POC1B: variants seen among roughly 807,000 people sequenced by gnomAD.
POC1B encodes the protein POC1 centriolar protein B, also known as POC1 centriolar protein homolog B.
In POC1B, 44 loss-of-function variants were observed where a neutral mutation model predicts 60.6. That is an observed-to-expected ratio of 0.73 (90% CI 0.57 to 0.93). POC1B has a LOEUF of 0.93. Among genes scored for constraint, POC1B ranks in the 40% least tolerant of loss-of-function variants. The pLI is 0.00. For missense variants in POC1B, 555 were observed against 572.3 expected (o/e 0.97, Z 0.31); for synonymous variants, 180 against 198.9 (o/e 0.90, Z 0.80).
chr12:89,462,257 T>G (rs1400244057), intron 9 of POC1B, among the ~76,000 whole-genome samples: 1 of 152,170 alleles, frequency 6.6e-6, no homozygotes, highest in Non-Finnish European at 1.5e-5. Flanking sequence ...TAGCTAACTC[T>G]CAGGAATACT....
intron 10 of POC1B, among the ~76,000 whole-genome samples, chr12:89,436,899 G>A (rs952007109): frequency 6.6e-6 from 1 of 152,160 alleles, no homozygotes; most frequent in Admixed American, 6.5e-5. Context: ...ATCAAGTCAA[G>A]ATTCTCAAAT....
At chr12:89,476,224 T>G (rs1157255645) in intron 4 of POC1B, among the ~76,000 whole-genome samples, 1 of 152,140 alleles carries the variant, frequency 6.6e-6, no homozygotes, top group Non-Finnish European at 1.5e-5. Flanking sequence ...AGGAAATTCT[T>G]GAACTTATTT....
In POC1B at chr12:89,483,062, C is replaced by T. The variant is rs1227580537; in HGVS notation, c.452+8874G>A. On this transcript the variant is annotated intron_variant, in intron 4 of 11. Transcript: ENST00000313546. The stretch of plus-strand genomic sequence containing the variant: ...CCATAGCTGGGATTACAGGCATGCT[C>T]CACCACGCCCAGCTAATTTTTTTTT... Among the ~76,000 whole-genome samples, 5 of 152,100 alleles carry T rather than the reference C, an allele frequency of 3.3e-5. No homozygotes were observed. In the East Asian group the frequency reaches 9.6e-4, roughly 29 times the overall value.
At chr12:89,439,825 G>A (rs1201250084) in intron 10 of POC1B, among the ~76,000 whole-genome samples, 1 of 152,030 alleles carries the variant, frequency 6.6e-6, no homozygotes, top group African/African-American at 2.4e-5. Context: ...GGCTGGTCTT[G>A]AACTCCTGAC....
Position 89,525,986 on chromosome 12 carries a change from C to T in POC1B, c.-91G>A. 1 of 1,543,950 alleles carries T rather than the reference C, an allele frequency of 6.5e-7. No individual in the cohort carries two copies. The highest frequency in any genetic ancestry group is 8.7e-7 in the Non-Finnish European group (1 of 1,145,476). ...GGGAAGGAGAGGGGACCGTGCGGCT[C>T]CCGGAACCGTCTGCCCAGAGCGGCA... On this transcript the variant is annotated 5_prime_UTR_variant, in exon 1 of 12. Coordinates refer to ENST00000313546, the MANE Select transcript of POC1B (RefSeq NM_172240.3).
chr12:89,507,723 C>T (rs1040983591), intron 2 of POC1B, among the ~76,000 whole-genome samples: 2 of 152,148 alleles, frequency 1.3e-5, no homozygotes, highest in African/African-American at 4.8e-5. Context: ...CAAAGAACAA[C>T]AAATGGAAAA....
chr12:89,469,152 C>CAGA (rs1215239919), intron 7 of POC1B, among the ~76,000 whole-genome samples: 1 of 151,964 alleles, frequency 6.6e-6, no homozygotes, highest in African/African-American at 2.4e-5. Context: ...TGCGCCTGTA[C>CAGA]AGAAGGCTGA....
At chr12:89,464,670 T>G (rs1882615648) in intron 9 of POC1B, among the ~76,000 whole-genome samples, 1 of 151,496 alleles carries the variant, frequency 6.6e-6, no homozygotes. Flanking sequence ...GTATTTTTAG[T>G]AGAGACGGGA....
At chr12:89,451,880 C>A (rs1394011300) in intron 10 of POC1B, among the ~76,000 whole-genome samples, 7 of 152,168 alleles carry the variant, frequency 4.6e-5, no homozygotes, top group Non-Finnish European at 1.0e-4. Context: ...GCTAAGTTCA[C>A]TATTTTCCGT....
chr12:89,480,711 T>C (rs1425410634), intron 4 of POC1B, among the ~76,000 whole-genome samples: 17 of 151,174 alleles, frequency 1.1e-4, no homozygotes, highest in South Asian at 2.1e-4. Context: ...CGCCATTCTC[T>C]TGCCTCAGCC....
chr12:89,468,518 T>C (rs1882769355), intron 7 of POC1B, among the ~76,000 whole-genome samples: 1 of 152,200 alleles, frequency 6.6e-6, no homozygotes, highest in Non-Finnish European at 1.5e-5. Context: ...CCCACAGATT[T>C]AGTTTATAAT....
At chr12:89,525,008 C>A (rs573120625) in intron 2 of POC1B, 112 bp downstream of exon 2, 1 of 1,490,482 alleles carries the variant, frequency 6.7e-7, no homozygotes, top group Non-Finnish European at 9.2e-7. Flanking sequence ...TGCTCTCAAC[C>A]CTCATACAGG....
At chr12:89,435,619 G>A (rs1469570648) in intron 10 of POC1B, among the ~76,000 whole-genome samples, 1 of 152,108 alleles carries the variant, frequency 6.6e-6, no homozygotes, top group African/African-American at 2.4e-5. Context: ...TCATGTAGGT[G>A]TTTTCCTCCT....
At chr12:89,451,072 C>G (rs563944952) in intron 10 of POC1B, among the ~76,000 whole-genome samples, 30 of 144,732 alleles carry the variant, frequency 2.1e-4, no homozygotes, top group African/African-American at 6.1e-4. Flanking sequence ...AGTTCCCTTG[C>G]TGAGAGCTGA....
At chr12:89,428,268 C>T (rs994447714) in intron 10 of POC1B, 1 of 152,310 alleles carries the variant, frequency 6.6e-6, no homozygotes, top group Non-Finnish European at 1.5e-5. Flanking sequence ...GCCATCCTAG[C>T]ATGACTGCAT....
chr12:89,505,896 A>T (rs1449553654), intron 2 of POC1B, among the ~76,000 whole-genome samples: 1 of 152,222 alleles, frequency 6.6e-6, no homozygotes, highest in Non-Finnish European at 1.5e-5. Flanking sequence ...AAAAGAGTCA[A>T]AATCAAGATA....
At chr12:89,432,149 C>T (rs940340771) in intron 10 of POC1B, among the ~76,000 whole-genome samples, 3 of 151,872 alleles carry the variant, frequency 2.0e-5, no homozygotes, top group East Asian at 1.9e-4. Flanking sequence ...TTTGGGAGGT[C>T]GAGGTGGGCG....
chr12:89,519,484 CAG>C (rs542697953), intron 2 of POC1B: 1 of 152,274 alleles, frequency 6.6e-6, no homozygotes, highest in Non-Finnish European at 1.5e-5. Context: ...GGAAAAAAGT[CAG>C]AAACAACTCA....
chr12:89,519,861 C>T (rs929383725), intron 2 of POC1B: 2 of 152,264 alleles, frequency 1.3e-5, no homozygotes, highest in African/African-American at 2.4e-5. Context: ...TAAAGTTGGA[C>T]ACTAAATGAC....
Sources: allele counts gnomAD v4.1 joint callset (sites outside exome capture counted in the v4.1 genomes callset), GRCh38; gene constraint gnomAD v4.1.1; transcripts MANE v1.5; gene names NCBI Gene and HGNC (gene_info 2026-07-23, HGNC 2026-07-21).